NIPAL2: variants seen among roughly 807,000 people sequenced by gnomAD.
NIPAL2 encodes the protein NIPA-like protein 2.
Under a neutral mutation model 48.9 loss-of-function variants are expected in NIPAL2, and 43 were observed. The ratio of observed to expected loss-of-function variants is 0.88; its 90% CI spans 0.69 to 1.13. NIPAL2 has a LOEUF of 1.13. Ranked by LOEUF, NIPAL2 falls within the 50% of genes most tolerant of loss-of-function variation. The pLI is 0.00. For missense variants in NIPAL2, 446 were observed against 461.4 expected (o/e 0.97, Z 0.31); for synonymous variants, 167 against 174.6 (o/e 0.96, Z 0.34).
intron 1 of NIPAL2, among the ~76,000 whole-genome samples, chr8:98,259,349 A>G (rs1814146163): frequency 2.6e-5 from 4 of 152,054 alleles, no homozygotes; most frequent in Non-Finnish European, 4.4e-5. Flanking sequence ...TGCTGGGATT[A>G]CAGGCGTGAG....
chr8:98,227,735 C>T (rs6982810), intron 4 of NIPAL2, among the ~76,000 whole-genome samples: 97,841 of 152,084 alleles, frequency 0.64, 32,962 homozygotes, highest in South Asian at 0.76. Flanking sequence ...GGAGTGGCGC[C>T]TGCACTCCCT....
intron 1 of NIPAL2, among the ~76,000 whole-genome samples, chr8:98,259,069 C>CTTTTTTTTTTTTTTTTTTTTTTTTTT (rs1563531576): frequency 3.4e-5 from 3 of 89,354 alleles, no homozygotes; most frequent in African/African-American, 1.4e-4. Flanking sequence ...TTTAAATATT[C>CTTTTTTTTTTTTTTTTTTTTTTTTTT]CTTTTTTTTT....
chr8:98,228,052 C>T lies in NIPAL2; in HGVS notation c.437-5452G>A, dbSNP rs145569290. Among the ~76,000 whole-genome samples the T allele has an allele frequency of 3.7e-3, 558 of 152,268 alleles. 4 individuals are homozygous for T. Among genetic ancestry groups the T allele is most frequent in the African/African-American group, 0.013 (534 of 41,526 alleles). On this transcript the variant is annotated intron_variant, in intron 4 of 10. Coordinates refer to ENST00000430223, the MANE Select transcript of NIPAL2 (RefSeq NM_001321635.2). ...TCCAGTGCAAAGTAATCACTGTGTT[C>T]TTCTTCCCCGAGTGTGCAGATTCTC...
chr8:98,294,120 G>A lies in NIPAL2; in HGVS notation c.18C>T (p.Pro6=). MAAVA[P]AGPGDSASAA... ...CCGAGGCGGAGTCCCCGGGGCCCGC[G>A]GGCGCCACCGCTGCCATGAGGTCTC... Residue 6 remains proline (P), a synonymous_variant, in exon 1 of 11, where the codon CCC becomes CCT. Transcript: ENST00000430223. 1 of 1,469,024 alleles carries A rather than the reference G, an allele frequency of 6.8e-7. No homozygotes were observed. Among genetic ancestry groups the A allele is most frequent in the Middle Eastern group, 2.3e-4 (1 of 4,444 alleles). The allele number at this position is 1,469,024 out of a possible 1,614,324, so 91.0% of individuals were successfully genotyped here. A position where few individuals can be genotyped will look rare whatever the true frequency, so the allele number is the denominator to read the frequency against.
At chr8:98,248,414 G>C (rs1259036054) in intron 3 of NIPAL2, among the ~76,000 whole-genome samples, 2 of 152,204 alleles carry the variant, frequency 1.3e-5, no homozygotes, top group East Asian at 3.8e-4. Context: ...TTGTCATTAT[G>C]TCAAATACTA....
chr8:98,216,093 T>C (rs1811560550), intron 5 of NIPAL2, among the ~76,000 whole-genome samples: 1 of 152,220 alleles, frequency 6.6e-6, no homozygotes, highest in African/African-American at 2.4e-5. Context: ...ATGGCTTCTC[T>C]GTCTAAAACA....
chr8:98,239,901 A>G (rs1812900153), intron 3 of NIPAL2, among the ~76,000 whole-genome samples: 1 of 152,216 alleles, frequency 6.6e-6, no homozygotes, highest in Non-Finnish European at 1.5e-5. Flanking sequence ...TTCAAATGAG[A>G]AAAACATCAA....
rs1401337317 is a variant in NIPAL2 at position 98,192,836 on chromosome 8, T to C, written c.*142A>G. Reference sequence around the variant, plus strand: ...AGCTTAGGAAGTCCCCGATTGTCCATAGACGCTGAGGTGGGGGAAAGGACT... The same window carrying C: ...AGCTTAGGAAGTCCCCGATTGTCCACAGACGCTGAGGTGGGGGAAAGGACT... On this transcript the variant is annotated 3_prime_UTR_variant, in exon 11 of 11. Coordinates refer to ENST00000430223, the MANE Select transcript of NIPAL2 (RefSeq NM_001321635.2). The C allele has an allele frequency of 6.3e-6, 4 of 634,528 alleles. No homozygotes were observed. The East Asian group carries it at 1.1e-4, about 17-fold the overall frequency. The allele number at this position is 634,528 out of a possible 1,614,324, so 39.3% of individuals were successfully genotyped here. A position where few individuals can be genotyped will look rare whatever the true frequency, so the allele number is the denominator to read the frequency against.
chr8:98,222,745 G>A, intron 4 of NIPAL2, 145 bp from the exon 5 acceptor site: 1 of 768,652 alleles, frequency 1.3e-6, no homozygotes, highest in Non-Finnish European at 2.1e-6. Context: ...ACCATCCTTG[G>A]ATAGCGTCCA....
At chr8:98,196,946 A>G (rs1810577967) in intron 8 of NIPAL2, among the ~76,000 whole-genome samples, 1 of 152,236 alleles carries the variant, frequency 6.6e-6, no homozygotes, top group Non-Finnish European at 1.5e-5. Context: ...TGAATGAATG[A>G]AACTTTCTGA....
chr8:98,275,531 T>TG (rs1358278415), intron 1 of NIPAL2, among the ~76,000 whole-genome samples: 1 of 152,180 alleles, frequency 6.6e-6, no homozygotes, highest in Non-Finnish European at 1.5e-5. Context: ...GTTTCCAGTT[T>TG]GGGGCTGTTT....
rs543663873 is a variant in NIPAL2, at chr8:98,230,259, T to C, written c.436+5896A>G. 9.2e-5 allele frequency among the ~76,000 whole-genome samples: 14 copies of C among 152,302 alleles called. No individual in the cohort carries two copies. In the East Asian group the frequency reaches 2.5e-3, roughly 27 times the overall value. Reference sequence around the variant, plus strand: ...CCATATGCAGCATCCTCATTGGGGATTAAAGGAATTGATTGTTCCTGGCAG... The same window carrying C: ...CCATATGCAGCATCCTCATTGGGGACTAAAGGAATTGATTGTTCCTGGCAG... On this transcript the variant is annotated intron_variant, in intron 4 of 10. Transcript: ENST00000430223.
At chr8:98,213,584 C>A (rs1811427316) in intron 5 of NIPAL2, among the ~76,000 whole-genome samples, 1 of 152,132 alleles carries the variant, frequency 6.6e-6, no homozygotes, top group African/African-American at 2.4e-5. Flanking sequence ...TCTGTGCCAG[C>A]CTCATGGCAA....
At chr8:98,250,930 A>G (rs926297950) in intron 3 of NIPAL2, among the ~76,000 whole-genome samples, 2 of 152,154 alleles carry the variant, frequency 1.3e-5, no homozygotes, top group Non-Finnish European at 2.9e-5. Flanking sequence ...AAACTGCCCC[A>G]TTCTCACTTC....
Position 98,194,709 on chromosome 8 carries a change from A to C in NIPAL2, c.1039+19T>G. 2 of 1,418,546 alleles carry C rather than the reference A, an allele frequency of 1.4e-6. No individual in the cohort carries two copies. Among genetic ancestry groups the C allele is most frequent in the Non-Finnish European group, 1.9e-6 (2 of 1,042,834 alleles). The allele number at this position is 1,418,546 out of a possible 1,614,324, so 87.9% of individuals were successfully genotyped here. ...TTATAAGGATCAAATTTTCCACTAT[A>C]AAGAATATATGATTTTACCAGGAAT... On this transcript the variant is annotated intron_variant, in intron 10 of 10. Transcript: ENST00000430223.
intron 6 of NIPAL2, among the ~76,000 whole-genome samples, chr8:98,209,259 A>G (rs1811188217): frequency 6.6e-6 from 1 of 152,128 alleles, no homozygotes; most frequent in Admixed American, 6.5e-5. Flanking sequence ...TAAACATATA[A>G]GTAGAATATG....
chr8:98,294,051 T>C lies in NIPAL2; in HGVS notation c.87A>G (p.Pro29=). The C allele has an allele frequency of 6.7e-7, 1 of 1,500,144 alleles. No homozygotes were observed. Among genetic ancestry groups the C allele is most frequent in the Non-Finnish European group, 8.9e-7 (1 of 1,125,136 alleles). 92.9% of individuals were successfully genotyped at this position (1,500,144 alleles called of 1,614,324 possible). ...CCGAGAGGGAGCCGTTGCCGGCGCC[T>C]GGTGCCCCGTACGTGAAATTCAGTG... ...ELSLNFTYGA[P]GAGNGSLSGD... The change falls in exon 1 of 11, where the codon CCA becomes CCG. Residue 29 remains proline, a synonymous_variant. Transcript: ENST00000430223.
chr8:98,197,977 C>T (rs1184799671), intron 8 of NIPAL2, among the ~76,000 whole-genome samples: 1 of 152,150 alleles, frequency 6.6e-6, no homozygotes, highest in African/African-American at 2.4e-5. Flanking sequence ...TTAATGACAT[C>T]AAGAAAATCA....
chr8:98,293,933 A>T, intron 1 of NIPAL2, 70 bp downstream of exon 1: 1 of 1,314,396 alleles, frequency 7.6e-7, no homozygotes, highest in East Asian at 3.2e-5. Context: ...GCCGAGGCGC[A>T]GAGGCGCCCG....
Sources: gnomAD v4.1 joint callset for allele counts (sites outside exome capture counted in the v4.1 genomes callset) on GRCh38, gnomAD v4.1.1 for gene constraint, MANE v1.5 for transcripts, NCBI Gene and HGNC (gene_info 2026-07-23, HGNC 2026-07-21) for gene names.